NBAS: variants seen among roughly 807,000 people sequenced by gnomAD.
NBAS encodes the protein NBAS subunit of NRZ tethering complex, also known as NAG/BC035112 fusion.
In NBAS, 219 loss-of-function variants were observed where a neutral mutation model predicts 302.5. The observed-to-expected ratio is 0.72, with a 90% CI of 0.65 to 0.81. NBAS has a LOEUF of 0.81. Ranked by LOEUF, NBAS falls within the 30% of genes least tolerant of loss-of-function variation. NBAS has a pLI of 0.00. For missense variants in NBAS, 2,932 were observed against 2,841.6 expected (o/e 1.03, Z -0.72); for synonymous variants, 1,118 against 1,021.6 (o/e 1.09, Z -1.80).
intron 50 of NBAS, among the ~76,000 whole-genome samples, chr2:15,184,749 C>G (rs932009754): frequency 2.0e-5 from 3 of 152,212 alleles, no homozygotes; most frequent in African/African-American, 7.2e-5. Context: ...GCCTGATACA[C>G]ATAACTGTTA....
chr2:15,535,551 T>TAAATAAATAAATAAATAAATAAATAAAC (rs1553334457), intron 8 of NBAS, among the ~76,000 whole-genome samples: 3 of 147,778 alleles, frequency 2.0e-5, no homozygotes, highest in African/African-American at 7.6e-5. Flanking sequence ...AATAAATAAA[T>TAAATAAATAAATAAATAAATAAATAAAC]AAATAAATAA....
At chr2:15,287,305 A>G in intron 41 of NBAS, 122 bp from the exon 42 acceptor site, 1 of 745,038 alleles carries the variant, frequency 1.3e-6, no homozygotes, top group Non-Finnish European at 2.4e-6. Flanking sequence ...GTGGTCCTTA[A>G]TAAGACAGTT....
intron 51 of NBAS, among the ~76,000 whole-genome samples, chr2:15,170,531 G>C (rs770586285): frequency 1.3e-5 from 2 of 152,226 alleles, no homozygotes; most frequent in Admixed American, 1.3e-4. Flanking sequence ...CAGTGAGCAG[G>C]GAAAGGTTGG....
At chr2:15,046,572 C>T in the NBAS span, among the ~76,000 whole-genome samples, 3 of 152,158 alleles carry the variant, frequency 2.0e-5, no homozygotes, top group Admixed American at 6.5e-5. Context: ...GTGGCTGGTG[C>T]TGTGAGGAAG....
At chr2:15,229,554 G>A (rs564537782) in intron 47 of NBAS, among the ~76,000 whole-genome samples, 59 of 151,922 alleles carry the variant, frequency 3.9e-4, no homozygotes, top group African/African-American at 1.3e-3. Flanking sequence ...GGCCGACGTG[G>A]GTGGATCACC....
chr2:14,837,851 T>G, the NBAS span, among the ~76,000 whole-genome samples: 3 of 151,894 alleles, frequency 2.0e-5, no homozygotes, highest in Non-Finnish European at 1.5e-5. Context: ...ATAATGTTCT[T>G]TTTGCTGAAG....
At chr2:14,917,251 G>T in the NBAS span, among the ~76,000 whole-genome samples, 2 of 152,178 alleles carry the variant, frequency 1.3e-5, no homozygotes, top group African/African-American at 4.8e-5. Context: ...GGTTGGGGAA[G>T]AATCTGCTGC....
the NBAS span, among the ~76,000 whole-genome samples, chr2:14,844,876 C>T: frequency 6.6e-6 from 1 of 152,224 alleles, no homozygotes; most frequent in Non-Finnish European, 1.5e-5. Context: ...AGTGCCAGCT[C>T]AGCCACAGTA....
chr2:15,179,839 G>A (rs530316234), intron 50 of NBAS: 4 of 152,340 alleles, frequency 2.6e-5, no homozygotes, highest in South Asian at 2.1e-4. Flanking sequence ...GCAGGCTTTC[G>A]TATAAGGTAA....
At chr2:15,333,331 C>T (rs113822053) in intron 35 of NBAS, among the ~76,000 whole-genome samples, 1,850 of 152,178 alleles carry the variant, frequency 0.012, 26 homozygotes, top group African/African-American at 0.039. Context: ...AGAGAAATAG[C>T]AGGACATGAG....
chr2:14,951,095 A>C, the NBAS span, among the ~76,000 whole-genome samples: 1 of 152,170 alleles, frequency 6.6e-6, no homozygotes, highest in Non-Finnish European at 1.5e-5. Context: ...TCTTGATTTC[A>C]ATTCTATTTC....
the NBAS span, among the ~76,000 whole-genome samples, chr2:15,002,858 C>T: frequency 6.6e-6 from 1 of 152,244 alleles, no homozygotes; most frequent in Non-Finnish European, 1.5e-5. Flanking sequence ...CACGCCCACC[C>T]GGAACTCCAG....
chr2:15,393,452 G>T (rs1215066605), intron 28 of NBAS, among the ~76,000 whole-genome samples: 3 of 152,028 alleles, frequency 2.0e-5, no homozygotes, highest in African/African-American at 7.2e-5. Flanking sequence ...ATATAGAAGA[G>T]CAATCAATGT....
chr2:15,377,948 A>T (rs1210860141), intron 30 of NBAS, among the ~76,000 whole-genome samples: 2 of 152,216 alleles, frequency 1.3e-5, no homozygotes, highest in African/African-American at 4.8e-5. Context: ...ATCAAATAAA[A>T]TGTATAATCT....
the NBAS span, among the ~76,000 whole-genome samples, chr2:15,048,398 C>T: frequency 2.6e-4 from 40 of 152,242 alleles, no homozygotes; most frequent in Non-Finnish European, 5.4e-4. Context: ...TGCCATGCCA[C>T]CTTCTCCATC....
the NBAS span, among the ~76,000 whole-genome samples, chr2:14,974,758 T>A: frequency 7.2e-5 from 11 of 152,188 alleles, no homozygotes; most frequent in Non-Finnish European, 1.3e-4. Flanking sequence ...AGTAGATTCA[T>A]ACACCCTAAT....
chr2:15,406,363 G>C (rs1366739830), intron 25 of NBAS, among the ~76,000 whole-genome samples: 1 of 151,964 alleles, frequency 6.6e-6, no homozygotes. Context: ...ACAACTGCGT[G>C]GTCATTTGGG....
chr2:14,903,335 A>G, the NBAS span, among the ~76,000 whole-genome samples: 1 of 91,272 alleles, frequency 1.1e-5, no homozygotes, highest in Admixed American at 1.0e-4. Context: ...TGCAAAAAAA[A>G]AAAAAAGAAA....
intron 28 of NBAS, among the ~76,000 whole-genome samples, chr2:15,389,927 C>G (rs4668903): frequency 0.63 from 95,151 of 151,960 alleles, 30,556 homozygotes; most frequent in Middle Eastern, 0.69. Context: ...GCAGAGACTT[C>G]TGGAGTCCCT....
Sources: allele counts gnomAD v4.1 joint callset (sites outside exome capture counted in the v4.1 genomes callset), GRCh38; gene constraint gnomAD v4.1.1; transcripts MANE v1.5; gene names NCBI Gene and HGNC (gene_info 2026-07-23, HGNC 2026-07-21).